FBXL13: variants seen among roughly 807,000 people sequenced by gnomAD.
FBXL13 encodes F-box and leucine rich repeat protein 13.
FBXL13 carries 67 observed loss-of-function variants against 83.6 expected under a neutral mutation model. The observed-to-expected ratio is 0.80, with a 90% CI of 0.66 to 0.98. The LOEUF is 0.98. FBXL13 is among the 50% of genes least tolerant of loss of function. FBXL13 has a pLI of 0.00. For missense variants in FBXL13, 822 were observed against 866.5 expected (o/e 0.95, Z 0.64); for synonymous variants, 272 against 299.5 (o/e 0.91, Z 0.95).
chr7:103,010,645 T>A (rs984365850), intron 6 of FBXL13, among the ~76,000 whole-genome samples: 22 of 151,982 alleles, frequency 1.4e-4, no homozygotes, highest in Non-Finnish European at 2.5e-4. Flanking sequence ...GTGGAGAGTA[T>A]GAATCCCCCT....
At chr7:102,987,225 C>T (rs376388786) in intron 6 of FBXL13, among the ~76,000 whole-genome samples, 1 of 152,024 alleles carries the variant, frequency 6.6e-6, no homozygotes, top group South Asian at 2.1e-4. Context: ...GACAGGTACC[C>T]TAAAATTTCA....
chr7:102,888,454 G>A (rs1354383211), intron 11 of FBXL13, among the ~76,000 whole-genome samples: 5 of 152,228 alleles, frequency 3.3e-5, no homozygotes, highest in Non-Finnish European at 7.3e-5. Context: ...CAGGAGAATC[G>A]CCGGGAGGCG....
chr7:102,812,470 C>CT (rs554590370), downstream of FBXL13, among the ~76,000 whole-genome samples: 203 of 152,256 alleles, frequency 1.3e-3, no homozygotes, highest in Admixed American at 2.3e-3. Context: ...TTGCCCCTGA[C>CT]TAAGTCAAAT....
At chr7:102,888,248 AG>A (rs1811056725) in intron 11 of FBXL13, among the ~76,000 whole-genome samples, 1 of 152,188 alleles carries the variant, frequency 6.6e-6, no homozygotes, top group Non-Finnish European at 1.5e-5. Flanking sequence ...AAGACTGAAA[AG>A]AATTCCAGGC....
intron 19 of FBXL13, among the ~76,000 whole-genome samples, chr7:102,821,271 C>A (rs1036588051): frequency 3.3e-5 from 5 of 152,188 alleles, no homozygotes; most frequent in African/African-American, 1.2e-4. Context: ...GACCTACCCC[C>A]TTCTCTCTGA....
intron 17 of FBXL13, among the ~76,000 whole-genome samples, chr7:102,834,138 GAAAA>G (rs1237427662): frequency 8.1e-6 from 1 of 123,898 alleles, no homozygotes; most frequent in Non-Finnish European, 1.7e-5. Flanking sequence ...AAGAAAGAAA[GAAAA>G]GAGAAGACAA....
At chr7:103,053,710 C>T (rs1254491121) in intron 2 of FBXL13, among the ~76,000 whole-genome samples, 1 of 152,172 alleles carries the variant, frequency 6.6e-6, no homozygotes, top group African/African-American at 2.4e-5. Context: ...AGGCCTCTCC[C>T]TCAGCTCCTG....
At chr7:103,013,200 C>T (rs1056829371) in intron 6 of FBXL13, among the ~76,000 whole-genome samples, 1 of 152,096 alleles carries the variant, frequency 6.6e-6, no homozygotes, top group African/African-American at 2.4e-5. Flanking sequence ...CCTTGAATAC[C>T]CCCACTGACA....
chr7:102,893,797 A>G, intron 11 of FBXL13, among the ~76,000 whole-genome samples: 2 of 145,492 alleles, frequency 1.4e-5, no homozygotes, highest in African/African-American at 5.1e-5. Context: ...AAGAAAGGAG[A>G]AGGATGAGGA....
chr7:103,047,947 C>T (rs188989000), intron 2 of FBXL13, among the ~76,000 whole-genome samples: 168 of 152,308 alleles, frequency 1.1e-3, no homozygotes, highest in African/African-American at 3.8e-3. Flanking sequence ...CTGCCTTCCT[C>T]GGTCTCCCAA....
chr7:102,839,333 T>C (rs1367790648), intron 17 of FBXL13, among the ~76,000 whole-genome samples: 1 of 152,226 alleles, frequency 6.6e-6, no homozygotes, highest in Non-Finnish European at 1.5e-5. Context: ...AATCAATAAA[T>C]AATGAGGGAA....
chr7:102,831,911 C>T (rs1397589229), intron 18 of FBXL13, among the ~76,000 whole-genome samples: 1 of 152,058 alleles, frequency 6.6e-6, no homozygotes, highest in Non-Finnish European at 1.5e-5. Flanking sequence ...ATTATTAATC[C>T]AGAACCTGAG....
intron 11 of FBXL13, among the ~76,000 whole-genome samples, chr7:102,911,943 C>T (rs1325219019): frequency 6.6e-6 from 1 of 152,160 alleles, no homozygotes; most frequent in African/African-American, 2.4e-5. Flanking sequence ...CTCCAGACCA[C>T]CCAGGGCATC....
intron 17 of FBXL13, among the ~76,000 whole-genome samples, chr7:102,838,878 GCCTCGTGGGATGGCAAAGA>G (rs1483743337): frequency 6.6e-6 from 1 of 152,154 alleles, no homozygotes; most frequent in Non-Finnish European, 1.5e-5. Flanking sequence ...CTGAAATATG[GCCTCGTGGGATGGCAAAGA>G]CCTCGTGGGA....
chr7:103,056,788 T>A (rs1407790060), intron 1 of FBXL13, among the ~76,000 whole-genome samples: 1 of 152,100 alleles, frequency 6.6e-6, no homozygotes, highest in African/African-American at 2.4e-5. Context: ...AGTGTAGAAG[T>A]GTTCCCTTTT....
At chr7:102,971,067 G>A (rs945923665) in intron 6 of FBXL13, among the ~76,000 whole-genome samples, 1 of 152,084 alleles carries the variant, frequency 6.6e-6, no homozygotes, top group Non-Finnish European at 1.5e-5. Context: ...CTGATGAAAG[G>A]CAACACTTTT....
chr7:102,883,194 T>C lies in FBXL13; in HGVS notation c.1388+111A>G. On this transcript the variant is annotated intron_variant, in intron 14 of 19. Transcript: ENST00000313221. ...CTGCACTTACCTCTACTTTAACACA[T>C]GAACTCTTGACTTTCATGTTTACCC... 3.7e-6 allele frequency: 4 copies of C among 1,086,164 alleles called. No homozygotes were observed. In the Admixed American group the frequency reaches 1.1e-4, roughly 29 times the overall value. 67.3% of individuals were successfully genotyped at this position (1,086,164 alleles called of 1,614,324 possible).
At chr7:103,012,306 C>T (rs901156391) in intron 6 of FBXL13, among the ~76,000 whole-genome samples, 8 of 146,628 alleles carry the variant, frequency 5.5e-5, no homozygotes, top group East Asian at 2.1e-4. Flanking sequence ...ACCCAGGAGG[C>T]GGAGATTGCA....
At chr7:103,033,742 G>A (rs1794771560) in intron 2 of FBXL13, among the ~76,000 whole-genome samples, 1 of 152,134 alleles carries the variant, frequency 6.6e-6, no homozygotes, top group African/African-American at 2.4e-5. Flanking sequence ...TTATTGCAAA[G>A]AATGAAAGAA....
Sources: gnomAD v4.1 joint callset for allele counts (sites outside exome capture counted in the v4.1 genomes callset) on GRCh38, gnomAD v4.1.1 for gene constraint, MANE v1.5 for transcripts, NCBI Gene and HGNC (gene_info 2026-07-23, HGNC 2026-07-21) for gene names.